The following ADGRL2 variants were observed in gnomAD, a reference collection of about 807,000 sequenced individuals.
ADGRL2 encodes the protein adhesion G protein-coupled receptor L2.
In ADGRL2, 44 loss-of-function variants were observed where a neutral mutation model predicts 157.4. The ratio of observed to expected loss-of-function variants is 0.28; its 90% CI spans 0.22 to 0.36. The LOEUF is 0.36. Ranked by LOEUF, ADGRL2 falls within the 10% of genes least tolerant of loss-of-function variation. The probability of loss-of-function intolerance (pLI) is 1.00; values close to 1 mark genes in which losing one functional copy is unlikely to be tolerated. For synonymous variants in ADGRL2, 585 were observed against 624.7 expected, an observed-to-expected ratio of 0.94 and a Z score of 0.95; for missense variants, 1,510 against 1,768.9, an observed-to-expected ratio of 0.85 and a Z score of 2.63.
At chr1:81,945,814 A>G (rs1649633932) in intron 6 of ADGRL2, among the ~76,000 whole-genome samples, 2 of 152,030 alleles carry the variant, frequency 1.3e-5, no homozygotes, top group South Asian at 4.1e-4. Context: ...GCCCTTAGTG[A>G]TGAAAAGTAT....
intron 1 of ADGRL2, chr1:81,722,683 G>A: frequency 1.7e-6 from 2 of 1,171,392 alleles, no homozygotes. Context: ...TAGGGCACAG[G>A]AAATTGCAGA....
intron 1 of ADGRL2, among the ~76,000 whole-genome samples, chr1:81,308,048 A>C (rs2100526206): frequency 6.6e-6 from 1 of 152,200 alleles, no homozygotes; most frequent in East Asian, 1.9e-4. Flanking sequence ...CTGGTATGCA[A>C]GCTACTCGGC....
chr1:81,588,517 A>G (rs1415837465), intron 3 of ADGRL2: 1 of 152,236 alleles, frequency 6.6e-6, no homozygotes, highest in African/African-American at 2.4e-5. Context: ...CCGTAACATA[A>G]TCATCATCTA....
At chr1:81,606,101 C>T (rs1318277966) in intron 3 of ADGRL2, among the ~76,000 whole-genome samples, 1 of 152,154 alleles carries the variant, frequency 6.6e-6, no homozygotes, top group African/African-American at 2.4e-5. Flanking sequence ...TTGTCGTGAG[C>T]TCCTCTATCT....
chr1:81,902,620 G>C (rs570731464), intron 2 of ADGRL2, among the ~76,000 whole-genome samples: 2 of 151,434 alleles, frequency 1.3e-5, no homozygotes, highest in African/African-American at 4.9e-5. Flanking sequence ...AACAAAGGGT[G>C]GGGGGCAGTT....
chr1:81,446,661 C>T (rs1227130922), intron 2 of ADGRL2, among the ~76,000 whole-genome samples: 1 of 152,138 alleles, frequency 6.6e-6, no homozygotes, highest in African/African-American at 2.4e-5. Context: ...TTACACAGTC[C>T]CGGAACACCT....
chr1:81,450,929 A>G (rs530832939), intron 2 of ADGRL2, among the ~76,000 whole-genome samples: 1 of 152,238 alleles, frequency 6.6e-6, no homozygotes, highest in South Asian at 2.1e-4. Context: ...CATTCCATAA[A>G]CTTATTTCTC....
chr1:81,359,372 T>C (rs2075934507), intron 1 of ADGRL2, among the ~76,000 whole-genome samples: 1 of 152,070 alleles, frequency 6.6e-6, no homozygotes, highest in Non-Finnish European at 1.5e-5. Flanking sequence ...CAGTCTTTAG[T>C]TCCAATTCAT....
intron 1 of ADGRL2, among the ~76,000 whole-genome samples, chr1:81,321,445 G>C (rs1256509488): frequency 6.6e-6 from 1 of 152,108 alleles, no homozygotes; most frequent in African/African-American, 2.4e-5. Context: ...TTCTCACTAA[G>C]CTTCATCATT....
intron 1 of ADGRL2, among the ~76,000 whole-genome samples, chr1:81,383,357 C>A (rs12042327): frequency 6.6e-6 from 1 of 151,904 alleles, no homozygotes; most frequent in Non-Finnish European, 1.5e-5. Context: ...CAGGTAAAAA[C>A]GGCTTTCATG....
chr1:81,437,870 T>C (rs1402489806), intron 1 of ADGRL2, among the ~76,000 whole-genome samples: 1 of 152,002 alleles, frequency 6.6e-6, no homozygotes, highest in Admixed American at 6.6e-5. Flanking sequence ...TTGATTCGAG[T>C]TATAAACTTG....
intron 2 of ADGRL2, among the ~76,000 whole-genome samples, chr1:81,481,984 G>A (rs1176543690): frequency 1.3e-5 from 2 of 152,108 alleles, no homozygotes; most frequent in African/African-American, 4.8e-5. Flanking sequence ...GACACATTGT[G>A]TCCACAACTG....
chr1:81,601,946 A>G (rs187473427), intron 3 of ADGRL2, among the ~76,000 whole-genome samples: 2 of 152,290 alleles, frequency 1.3e-5, no homozygotes, highest in Admixed American at 6.5e-5. Flanking sequence ...AGATGATGTT[A>G]TGGGAAAAGA....
At chr1:81,490,153 CAG>C (rs1224513422) in intron 2 of ADGRL2, among the ~76,000 whole-genome samples, 1 of 136,728 alleles carries the variant, frequency 7.3e-6, no homozygotes, top group African/African-American at 2.8e-5. Context: ...TTTTTCGAGA[CAG>C]AGTTTCGCTC....
At chr1:81,752,781 G>A (rs1195682700) in intron 1 of ADGRL2, among the ~76,000 whole-genome samples, 1 of 152,136 alleles carries the variant, frequency 6.6e-6, no homozygotes, top group Non-Finnish European at 1.5e-5. Context: ...TGTCTTAAAG[G>A]CCTTTTAATA....
chr1:81,442,619 C>T (rs2077528442), intron 1 of ADGRL2, among the ~76,000 whole-genome samples: 5 of 152,082 alleles, frequency 3.3e-5, no homozygotes, highest in Admixed American at 3.3e-4. Context: ...AGAACCTTTA[C>T]AGTTATGTTG....
rs185520156 is a variant in ADGRL2 at position 81,421,546 on chromosome 1, A to G, written c.-301-23490A>G. 7.1e-4 allele frequency among the ~76,000 whole-genome samples: 108 copies of G among 152,264 alleles called. No individual in the cohort carries two copies. The South Asian group carries it at 7.7e-3, about 11-fold the overall frequency. On this transcript the variant is annotated intron_variant, in intron 1 of 24. Coordinates refer to the ADGRL2 transcript ENST00000370721. Reference sequence around the variant, plus strand: ...TACCATGAGACAATGGTCTTTCTTTACCTTTATACTGCATGTGCTTTCAAG... The same window carrying G: ...TACCATGAGACAATGGTCTTTCTTTGCCTTTATACTGCATGTGCTTTCAAG...
At chr1:81,409,536 G>T (rs1258275699) in intron 1 of ADGRL2, among the ~76,000 whole-genome samples, 1 of 152,162 alleles carries the variant, frequency 6.6e-6, no homozygotes, top group African/African-American at 2.4e-5. Context: ...TGGAGGCTGA[G>T]CTCCCAGTGA....
chr1:81,545,923 G>A (rs1041055398), intron 2 of ADGRL2, among the ~76,000 whole-genome samples: 2 of 152,134 alleles, frequency 1.3e-5, no homozygotes, highest in African/African-American at 4.8e-5. Flanking sequence ...ACTACATGAT[G>A]GTCTGTCAGC....
Sources: allele counts gnomAD v4.1 joint callset (sites outside exome capture counted in the v4.1 genomes callset), GRCh38; gene constraint gnomAD v4.1.1; transcripts MANE v1.5; gene names NCBI Gene and HGNC (gene_info 2026-07-23, HGNC 2026-07-21).